RGS6: variants seen among roughly 807,000 people sequenced by gnomAD.
RGS6 encodes the protein regulator of G-protein signaling 6.
In RGS6, 30 loss-of-function variants were observed where a neutral mutation model predicts 78.5. That is an observed-to-expected ratio of 0.38 (90% CI 0.29 to 0.52). RGS6 has a LOEUF of 0.52. Among genes scored for constraint, RGS6 ranks in the 20% least tolerant of loss-of-function variants. The probability of loss-of-function intolerance (pLI) is 0.85; values close to 1 mark genes in which losing one functional copy is unlikely to be tolerated. For missense variants in RGS6, 495 were observed against 609.7 expected, an observed-to-expected ratio of 0.81 and a Z score of 1.98; for synonymous variants, 206 against 206.0, an observed-to-expected ratio of 1.00 and a Z score of 0.00.
chr14:72,163,677 G>T (rs550006650), intron 2 of RGS6, among the ~76,000 whole-genome samples: 2 of 152,300 alleles, frequency 1.3e-5, no homozygotes, highest in East Asian at 1.9e-4. Flanking sequence ...GAGGTCAGGC[G>T]TTCGAGACCA....
the RGS6 span, among the ~76,000 whole-genome samples, chr14:71,884,892 C>T: frequency 1.3e-5 from 2 of 152,202 alleles, no homozygotes; most frequent in East Asian, 1.9e-4. Flanking sequence ...CCTTTCGTTC[C>T]CTGTGGTATA....
intron 13 of RGS6, among the ~76,000 whole-genome samples, chr14:72,503,884 T>C (rs1319201278): frequency 6.6e-6 from 1 of 152,166 alleles, no homozygotes; most frequent in East Asian, 1.9e-4. Context: ...CCTATTGCTT[T>C]CCCAGGCTGG....
chr14:72,452,693 A>G (rs2095526818), intron 3 of RGS6, among the ~76,000 whole-genome samples: 1 of 152,220 alleles, frequency 6.6e-6, no homozygotes, highest in South Asian at 2.1e-4. Flanking sequence ...GGACTCTGAT[A>G]TCTAAAATGT....
At chr14:72,440,149 T>C (rs1009390143) in intron 3 of RGS6, among the ~76,000 whole-genome samples, 4 of 152,190 alleles carry the variant, frequency 2.6e-5, no homozygotes, top group Admixed American at 2.0e-4. Context: ...CTACCTGATA[T>C]CCCAGCCTTC....
At chr14:72,064,653 G>A (rs193128568) in intron 2 of RGS6, among the ~76,000 whole-genome samples, 56 of 152,300 alleles carry the variant, frequency 3.7e-4, no homozygotes, top group African/African-American at 1.3e-3. Flanking sequence ...GGATTGCAGC[G>A]CTGTCATTTC....
chr14:72,423,284 T>A (rs1003989129), intron 3 of RGS6, among the ~76,000 whole-genome samples: 1 of 152,212 alleles, frequency 6.6e-6, no homozygotes, highest in Non-Finnish European at 1.5e-5. Flanking sequence ...TCCACCCATA[T>A]GTCCCCCCAC....
At chr14:71,949,223 A>C (rs1256871845) in intron 1 of RGS6, among the ~76,000 whole-genome samples, 1 of 152,160 alleles carries the variant, frequency 6.6e-6, no homozygotes, top group Non-Finnish European at 1.5e-5. Context: ...GCATATGTTC[A>C]GCTTTATTCG....
At chr14:71,993,773 G>A (rs2095071991) in intron 2 of RGS6, among the ~76,000 whole-genome samples, 1 of 152,066 alleles carries the variant, frequency 6.6e-6, no homozygotes. Flanking sequence ...GGGCCACAGG[G>A]AATCTGACCC....
At chr14:72,578,050 G>C in the RGS6 span, among the ~76,000 whole-genome samples, 1 of 152,096 alleles carries the variant, frequency 6.6e-6, no homozygotes, top group African/African-American at 2.4e-5. Flanking sequence ...AGAGTAAGTG[G>C]CTGAAATGAA....
chr14:72,027,860 C>T (rs556803936), intron 2 of RGS6, among the ~76,000 whole-genome samples: 4 of 152,306 alleles, frequency 2.6e-5, no homozygotes, highest in African/African-American at 9.6e-5. Flanking sequence ...GAATAGGCTT[C>T]CTTTTATCTC....
chr14:72,325,550 C>A (rs1358123995), intron 2 of RGS6, among the ~76,000 whole-genome samples: 2 of 152,068 alleles, frequency 1.3e-5, no homozygotes, highest in Non-Finnish European at 1.5e-5. Context: ...AGGAAGGGAT[C>A]CAGTTTCAGC....
intron 2 of RGS6, among the ~76,000 whole-genome samples, chr14:72,339,596 G>A (rs2076619209): frequency 6.6e-6 from 1 of 152,114 alleles, no homozygotes; most frequent in Admixed American, 6.5e-5. Context: ...TGGGAAGTGG[G>A]GCAATGCAGA....
At position 72,565,623 on chromosome 14, in the gene RGS6, C is replaced by G. The variant is rs1010208394; in HGVS notation, c.*3156C>G. 5 of 152,194 alleles carry G rather than the reference C, an allele frequency of 3.3e-5. No individual in the cohort carries two copies. Among genetic ancestry groups the G allele is most frequent in the Non-Finnish European group, 5.9e-5 (4 of 68,056 alleles). The allele number at this position is 152,194 out of a possible 1,614,324, so 9.4% of individuals were successfully genotyped here. ...ACCGGGCCAGCATCCTGGGAGGGAC[C>G]TCTTGCGACTCTGAGTTGCAGCTTG... On this transcript the variant is annotated 3_prime_UTR_variant, in exon 18 of 18. Coordinates refer to ENST00000553525, the MANE Select transcript of RGS6 (RefSeq NM_001204424.2).
At chr14:72,556,379 G>GA (rs2097575274) in intron 17 of RGS6, among the ~76,000 whole-genome samples, 1 of 152,048 alleles carries the variant, frequency 6.6e-6, no homozygotes, top group African/African-American at 2.4e-5. Flanking sequence ...TAGCATGGGG[G>GA]AAACCACCCC....
the RGS6 span, among the ~76,000 whole-genome samples, chr14:71,919,731 C>T: frequency 2.6e-5 from 4 of 152,152 alleles, no homozygotes; most frequent in African/African-American, 9.7e-5. Context: ...CGGTGGCTCA[C>T]ACCTGTAAGC....
intron 10 of RGS6, among the ~76,000 whole-genome samples, chr14:72,475,206 T>G (rs8010322): frequency 5.6e-5 from 4 of 71,380 alleles, no homozygotes; most frequent in Non-Finnish European, 1.2e-4. Context: ...ATGGTTTTTT[T>G]TTTTTTTTTT....
intron 4 of RGS6, among the ~76,000 whole-genome samples, chr14:72,455,514 A>T (rs1046884356): frequency 2.0e-5 from 3 of 152,208 alleles, no homozygotes; most frequent in Non-Finnish European, 2.9e-5. Flanking sequence ...GTTGACTGCA[A>T]AACAATACAG....
intron 2 of RGS6, among the ~76,000 whole-genome samples, chr14:72,288,790 A>G (rs2063053745): frequency 6.6e-6 from 1 of 152,166 alleles, no homozygotes; most frequent in Non-Finnish European, 1.5e-5. Flanking sequence ...CCCTTGAAGG[A>G]GGTGCGTTGG....
intron 3 of RGS6, among the ~76,000 whole-genome samples, chr14:72,371,630 G>C (rs144754401): frequency 6.6e-6 from 1 of 152,124 alleles, no homozygotes; most frequent in Non-Finnish European, 1.5e-5. Context: ...TCATGGTGGC[G>C]CATGCCTGTA....
Sources: gnomAD v4.1 joint callset for allele counts (sites outside exome capture counted in the v4.1 genomes callset) on GRCh38, gnomAD v4.1.1 for gene constraint, MANE v1.5 for transcripts, NCBI Gene and HGNC (gene_info 2026-07-23, HGNC 2026-07-21) for gene names.